The following ITIH5 variants were observed in gnomAD, a reference collection of about 807,000 sequenced individuals.
ITIH5 encodes the protein inter-alpha-trypsin inhibitor heavy chain H5.
A neutral mutation model predicts 77.5 loss-of-function variants in ITIH5; 65 were observed. That is an observed-to-expected ratio of 0.84 (90% CI 0.69 to 1.03). ITIH5 has a LOEUF of 1.03. Among genes scored for constraint, ITIH5 ranks in the 50% least tolerant of loss-of-function variants. ITIH5 has a pLI of 0.00. For synonymous variants in ITIH5, 525 were observed against 494.3 expected, an observed-to-expected ratio of 1.06 and a Z score of -0.82; for missense variants, 1,208 against 1,213.1, an observed-to-expected ratio of 1.00 and a Z score of 0.06.
chr10:7,603,651 T>C (rs915830417), intron 7 of ITIH5, among the ~76,000 whole-genome samples: 8 of 152,294 alleles, frequency 5.3e-5, no homozygotes, highest in African/African-American at 1.9e-4. Flanking sequence ...TGGCGCGATC[T>C]TGGCTCACTG....
chr10:7,596,835 G>T (rs114224974), intron 7 of ITIH5, among the ~76,000 whole-genome samples: 8,546 of 151,820 alleles, frequency 0.056, 249 homozygotes, highest in Middle Eastern at 0.17. Flanking sequence ...ATCACCTGAG[G>T]TCAGGAGTTT....
chr10:7,599,886 C>G (rs1301679809), intron 7 of ITIH5, among the ~76,000 whole-genome samples: 3 of 152,166 alleles, frequency 2.0e-5, no homozygotes, highest in Admixed American at 1.3e-4. Context: ...TTCCATCTTC[C>G]CAGACTCTTA....
In ITIH5 at chr10:7,666,892, TGGC is replaced by T. The variant is rs1564287183; in HGVS notation, c.-3_-1del. 6.9e-6 allele frequency: 11 copies of T among 1,589,360 alleles called. No individual in the cohort carries two copies. The highest frequency in any genetic ancestry group is 9.4e-6 in the Non-Finnish European group (11 of 1,170,432). On this transcript the variant is annotated 5_prime_UTR_variant, in exon 1 of 14. Coordinates refer to ENST00000397146, the MANE Select transcript of ITIH5 (RefSeq NM_030569.7). ...AGGCACAGCCCCAGCAGCAGGAGCA[TGGC>T]GGGGCGAGGGCGCGGGACGCTCGGG...
At chr10:7,650,429 C>T (rs1834078905) in intron 2 of ITIH5, among the ~76,000 whole-genome samples, 2 of 152,166 alleles carry the variant, frequency 1.3e-5, no homozygotes, top group Admixed American at 6.6e-5. Flanking sequence ...CTTAATGCTT[C>T]TCCTTTCTGA....
chr10:7,655,852 G>A (rs1428772489), intron 1 of ITIH5, among the ~76,000 whole-genome samples, 177 bp from the exon 2 acceptor site: 1 of 152,088 alleles, frequency 6.6e-6, no homozygotes, highest in Non-Finnish European at 1.5e-5. Context: ...AGTTTGTTTC[G>A]AGGCCAGAAT....
chr10:7,613,291 G>A (rs1033983418), intron 7 of ITIH5, among the ~76,000 whole-genome samples: 12 of 151,558 alleles, frequency 7.9e-5, no homozygotes, highest in South Asian at 2.1e-4. Flanking sequence ...CCCATAATGC[G>A]AAGAACTTCA....
Position 7,637,207 on chromosome 10 carries a change from A to G in ITIH5, c.652+21T>C, listed in dbSNP as rs979200664. 1.9e-6 allele frequency: 3 copies of G among 1,599,260 alleles called. No individual in the cohort carries two copies. In the East Asian group the frequency reaches 6.7e-5, roughly 36 times the overall value. Reference sequence around the variant, plus strand: ...GGTGTTTTCACCACAGATCTGCACGAACCCAGCACGCAGGACTCACCTTCC... The same window carrying G: ...GGTGTTTTCACCACAGATCTGCACGGACCCAGCACGCAGGACTCACCTTCC... On this transcript the variant is annotated intron_variant, in intron 5 of 13. Transcript: ENST00000397146.
chr10:7,627,206 T>C (rs1833595448), intron 5 of ITIH5, among the ~76,000 whole-genome samples: 1 of 151,826 alleles, frequency 6.6e-6, no homozygotes, highest in Non-Finnish European at 1.5e-5. Flanking sequence ...AAAACCTAGA[T>C]GACGGGTTGA....
chr10:7,603,994 T>C (rs1235115272), intron 7 of ITIH5, among the ~76,000 whole-genome samples: 2 of 152,166 alleles, frequency 1.3e-5, no homozygotes, highest in Non-Finnish European at 2.9e-5. Context: ...AGGGGCTTTA[T>C]CCGGGGGAAT....
chr10:7,599,101 G>A (rs1044078541), intron 7 of ITIH5, among the ~76,000 whole-genome samples: 6 of 152,054 alleles, frequency 3.9e-5, no homozygotes, highest in Admixed American at 1.3e-4. Context: ...TATTCTTTAC[G>A]ACATAGTAGG....
intron 5 of ITIH5, chr10:7,618,581 A>T (rs1397968942): frequency 6.6e-6 from 1 of 152,192 alleles, no homozygotes; most frequent in Non-Finnish European, 1.5e-5. Flanking sequence ...ATAAACAAGA[A>T]TTCTTAATCA....
chr10:7,632,327 A>G (rs1439970241), intron 5 of ITIH5, among the ~76,000 whole-genome samples: 4 of 152,192 alleles, frequency 2.6e-5, no homozygotes, highest in Admixed American at 2.0e-4. Context: ...AAATGGGTAC[A>G]GGGATCCTTC....
chr10:7,592,514 G>A (rs1181746599), intron 7 of ITIH5, among the ~76,000 whole-genome samples: 1 of 152,180 alleles, frequency 6.6e-6, no homozygotes, highest in East Asian at 1.9e-4. Context: ...AAGAGTAGGG[G>A]AAAGAGGAAA....
intron 2 of ITIH5, among the ~76,000 whole-genome samples, chr10:7,649,063 C>T (rs1051734770): frequency 6.6e-6 from 1 of 152,120 alleles, no homozygotes; most frequent in Non-Finnish European, 1.5e-5. Flanking sequence ...ACGAGTCTAT[C>T]CCCCTCCCAG....
intron 1 of ITIH5, among the ~76,000 whole-genome samples, chr10:7,661,329 G>A (rs950753682): frequency 6.6e-6 from 1 of 152,164 alleles, no homozygotes; most frequent in Admixed American, 6.5e-5. Flanking sequence ...AGAGGGATCT[G>A]TACAAGGAAT....
intron 2 of ITIH5, 67 bp from the exon 3 acceptor site, chr10:7,642,157 CT>C (rs113650478): frequency 0.036 from 33,772 of 934,196 alleles, 1 homozygote; most frequent in South Asian, 0.056. Context: ...AGTGGAACAT[CT>C]TTTTTTTTTT....
At chr10:7,660,117 A>C (rs1429463144) in intron 1 of ITIH5, among the ~76,000 whole-genome samples, 1 of 152,190 alleles carries the variant, frequency 6.6e-6, no homozygotes, top group Non-Finnish European at 1.5e-5. Flanking sequence ...AGACCACAAC[A>C]TTTATTGAGA....
rs759614175 is a variant in ITIH5 at position 7,563,125 on chromosome 10, G to A, written c.2787C>T (p.Asp929=). ...YKDYLASHPF[D]TGMTLGRGMS... ...TTCCCCGGCCAAGTGTCATCCCTGT[G>A]TCAAATGGATGGGATGCCAGGTAAT... is the stretch of plus-strand genomic sequence containing the variant. The change falls in exon 14 of 14, where the codon GAC becomes GAT. Residue 929 remains aspartate, a synonymous_variant. Transcript: ENST00000397146. 1.9e-6 allele frequency: 3 copies of A among 1,613,856 alleles called. No individual in the cohort carries two copies. Among genetic ancestry groups the A allele is most frequent in the Admixed American group, 3.3e-5 (2 of 60,002 alleles).
At chr10:7,617,313 CTT>C (rs929848866) in intron 5 of ITIH5, 31 bp from the exon 6 acceptor site, 3 of 1,067,232 alleles carry the variant, frequency 2.8e-6, no homozygotes, top group African/African-American at 2.4e-5. Context: ...TAATTAATAA[CTT>C]AATATATATT....
Sources: gnomAD v4.1 joint callset for allele counts (sites outside exome capture counted in the v4.1 genomes callset) on GRCh38, gnomAD v4.1.1 for gene constraint, MANE v1.5 for transcripts, NCBI Gene and HGNC (gene_info 2026-07-23, HGNC 2026-07-21) for gene names.